The following ASTN2 variants were observed in gnomAD, a reference collection of about 807,000 sequenced individuals.
ASTN2 encodes astrotactin 2, also known as astrotactin-2.
A neutral mutation model predicts 139.8 loss-of-function variants in ASTN2; 54 were observed. The ratio of observed to expected loss-of-function variants is 0.39; its 90% CI spans 0.31 to 0.48. The LOEUF is 0.48. Ranked by LOEUF, ASTN2 falls within the 20% of genes least tolerant of loss-of-function variation. The pLI, the probability that ASTN2 is intolerant of heterozygous loss-of-function variation, is 0.95. For missense variants in ASTN2, 1,565 were observed against 1,725.1 expected (o/e 0.91, Z 1.64); for synonymous variants, 756 against 719.5 (o/e 1.05, Z -0.81).
chr9:117,033,087 G>A (rs893470015), intron 6 of ASTN2, among the ~76,000 whole-genome samples: 1 of 152,148 alleles, frequency 6.6e-6, no homozygotes, highest in Non-Finnish European at 1.5e-5. Flanking sequence ...CTGAGCCTAC[G>A]CAAAGAATTG....
At chr9:116,790,994 A>AAGAAAGAAG (rs2132222438) in intron 13 of ASTN2, among the ~76,000 whole-genome samples, 9 of 112,756 alleles carry the variant, frequency 8.0e-5, no homozygotes, top group African/African-American at 2.6e-4. Context: ...AAAGAAAGAA[A>AAGAAAGAAG]GAAAGAAAGA....
intron 16 of ASTN2, among the ~76,000 whole-genome samples, chr9:116,711,645 CT>C (rs560682338): frequency 6.2e-4 from 94 of 152,094 alleles, no homozygotes; most frequent in Non-Finnish European, 1.1e-3. Context: ...CCTGCTGCTC[CT>C]TTTTTATTTC....
At chr9:117,074,814 T>C (rs541340309) in intron 5 of ASTN2, among the ~76,000 whole-genome samples, 1 of 152,340 alleles carries the variant, frequency 6.6e-6, no homozygotes, top group African/African-American at 2.4e-5. Context: ...TGTGTATATT[T>C]ATGTATATGC....
At chr9:116,721,948 GAATAGACATTACC>G (rs562502729) in intron 16 of ASTN2, among the ~76,000 whole-genome samples, 54 of 152,276 alleles carry the variant, frequency 3.5e-4, no homozygotes, top group Non-Finnish European at 6.6e-4. Flanking sequence ...TCTGTGTCTA[GAATAGACATTACC>G]AACTGATCAT....
intron 10 of ASTN2, among the ~76,000 whole-genome samples, chr9:116,964,216 G>GAT (rs1554765645): frequency 7.1e-6 from 1 of 140,708 alleles, no homozygotes; most frequent in Non-Finnish European, 1.5e-5. Flanking sequence ...ACTGCCCTGG[G>GAT]GTGTGTGTGT....
At chr9:116,934,485 G>A (rs1835007817) in intron 10 of ASTN2, among the ~76,000 whole-genome samples, 3 of 152,164 alleles carry the variant, frequency 2.0e-5, no homozygotes, top group Non-Finnish European at 4.4e-5. Context: ...TAGCAAAATG[G>A]CTTTTTTGCT....
intron 1 of ASTN2, among the ~76,000 whole-genome samples, chr9:117,351,914 G>C (rs1169415363): frequency 6.6e-6 from 1 of 152,136 alleles, no homozygotes; most frequent in Non-Finnish European, 1.5e-5. Context: ...TATCACCAAA[G>C]CTTTTAGTCA....
chr9:116,907,246 C>T (rs1310818376), intron 10 of ASTN2, among the ~76,000 whole-genome samples: 1 of 152,214 alleles, frequency 6.6e-6, no homozygotes, highest in Non-Finnish European at 1.5e-5. Flanking sequence ...GGGACCCGTT[C>T]CCTTTTCCCT....
intron 4 of ASTN2, among the ~76,000 whole-genome samples, chr9:117,104,088 G>T (rs1829046666): frequency 6.6e-6 from 1 of 152,168 alleles, no homozygotes; most frequent in African/African-American, 2.4e-5. Flanking sequence ...GGAAGGATAT[G>T]GATTCAAACC....
At chr9:117,063,366 T>A (rs941145619) in intron 5 of ASTN2, among the ~76,000 whole-genome samples, 1 of 152,174 alleles carries the variant, frequency 6.6e-6, no homozygotes, top group East Asian at 1.9e-4. Context: ...CAGTGGGAGA[T>A]AATTGAATCA....
chr9:117,407,439 G>A (rs1255179462), intron 1 of ASTN2, among the ~76,000 whole-genome samples: 12 of 152,232 alleles, frequency 7.9e-5, no homozygotes, highest in Non-Finnish European at 1.5e-4. Flanking sequence ...TTGTAGTAGA[G>A]AGAAGTGTTG....
intron 15 of ASTN2, among the ~76,000 whole-genome samples, chr9:116,727,713 G>T (rs1397911592): frequency 6.6e-6 from 1 of 151,998 alleles, no homozygotes; most frequent in Non-Finnish European, 1.5e-5. Context: ...AGACAAAACT[G>T]CAATCAAATC....
At chr9:117,036,407 T>C (rs910295372) in intron 6 of ASTN2, among the ~76,000 whole-genome samples, 1 of 152,238 alleles carries the variant, frequency 6.6e-6, no homozygotes, top group Non-Finnish European at 1.5e-5. Flanking sequence ...TTCTGGATGC[T>C]TGATGCTCTG....
intron 10 of ASTN2, among the ~76,000 whole-genome samples, chr9:116,912,162 G>A (rs1409768828): frequency 1.3e-5 from 2 of 152,238 alleles, no homozygotes; most frequent in African/African-American, 4.8e-5. Context: ...TCCTCCAGCT[G>A]CAAGGCAGCC....
At chr9:117,220,925 G>A (rs909247225) in intron 2 of ASTN2, among the ~76,000 whole-genome samples, 17 of 152,128 alleles carry the variant, frequency 1.1e-4, no homozygotes, top group African/African-American at 4.1e-4. Flanking sequence ...AGGCTTTCAT[G>A]GCTCCAGTCC....
chr9:116,823,456 A>T (rs1831542151), intron 11 of ASTN2, among the ~76,000 whole-genome samples: 1 of 152,204 alleles, frequency 6.6e-6, no homozygotes, highest in Non-Finnish European at 1.5e-5. Context: ...TGGCTGACTG[A>T]CATCTAGTTT....
intron 10 of ASTN2, among the ~76,000 whole-genome samples, chr9:116,893,867 A>T (rs1399009658): frequency 6.6e-6 from 1 of 152,174 alleles, no homozygotes; most frequent in Non-Finnish European, 1.5e-5. Flanking sequence ...ATACCAAGAG[A>T]GATCAGCCTT....
chr9:116,983,313 A>G (rs944321), intron 7 of ASTN2, among the ~76,000 whole-genome samples: 148,184 of 152,278 alleles, frequency 0.97, 72,225 homozygotes, highest in East Asian at 1. Context: ...ACATTATGAG[A>G]GCCTGCTTTG....
chr9:117,040,012 G>C, intron 5 of ASTN2, 47 bp from the exon 6 acceptor site: 1 of 1,535,734 alleles, frequency 6.5e-7, no homozygotes, highest in East Asian at 2.4e-5. Context: ...ATGAGGTGAG[G>C]AAATGGGATT....
Sources: allele counts gnomAD v4.1 joint callset (sites outside exome capture counted in the v4.1 genomes callset), GRCh38; gene constraint gnomAD v4.1.1; transcripts MANE v1.5; gene names NCBI Gene and HGNC (gene_info 2026-07-23, HGNC 2026-07-21).